Variants in SLC35F1 observed in about 807,000 individuals in gnomAD.
SLC35F1 encodes solute carrier family 35 member F1.
In SLC35F1, 14 loss-of-function variants were observed where a neutral mutation model predicts 48.7. The observed-to-expected ratio is 0.29, with a 90% CI of 0.19 to 0.45. The LOEUF (loss-of-function observed/expected upper bound fraction) is 0.45, where lower values mean the gene tolerates loss of function less well. Ranked by LOEUF, SLC35F1 falls within the 20% of genes least tolerant of loss-of-function variation. The pLI is 1.00. For synonymous variants in SLC35F1, 190 were observed against 202.2 expected (o/e 0.94, Z 0.51); for missense variants, 404 against 500.0 (o/e 0.81, Z 1.83).
chr6:118,007,419 G>A (rs942259086), intron 1 of SLC35F1, among the ~76,000 whole-genome samples: 1 of 152,122 alleles, frequency 6.6e-6, no homozygotes, highest in Non-Finnish European at 1.5e-5. Flanking sequence ...ATTGTGCTAG[G>A]CAATGGAGGG....
intron 1 of SLC35F1, among the ~76,000 whole-genome samples, chr6:118,002,402 G>A (rs906454249): frequency 6.6e-6 from 1 of 151,552 alleles, no homozygotes; most frequent in Non-Finnish European, 1.5e-5. Flanking sequence ...ACTGAACAAT[G>A]AGAACACATG....
intron 2 of SLC35F1, among the ~76,000 whole-genome samples, chr6:118,221,800 G>A (rs564750365): frequency 4.6e-5 from 7 of 152,202 alleles, no homozygotes; most frequent in African/African-American, 1.7e-4. Context: ...TTTGAATCCA[G>A]TCTCAGATGT....
chr6:117,938,164 A>G (rs1404319224), intron 1 of SLC35F1, among the ~76,000 whole-genome samples: 1 of 152,162 alleles, frequency 6.6e-6, no homozygotes, highest in Non-Finnish European at 1.5e-5. Flanking sequence ...CTCTGGGGTA[A>G]TATAGAGGAG....
At chr6:118,250,079 A>T (rs149003215) in intron 3 of SLC35F1, among the ~76,000 whole-genome samples, 76 of 152,316 alleles carry the variant, frequency 5.0e-4, no homozygotes, top group Non-Finnish European at 9.3e-4. Context: ...CATTCATTCA[A>T]CATCTACTAT....
In SLC35F1 at chr6:118,154,543, A is replaced by G. The variant is rs376082648; in HGVS notation, c.272A>G (p.Asn91Ser). Residue 91 changes from asparagine to serine, a missense_variant, in exon 2 of 8, where the codon AAC becomes AGC. Transcript: ENST00000360388. The stretch of plus-strand genomic sequence containing the variant: ...TATCTGTCAGAAGATTTCCACGCCA[A>G]CACACCAGTCTTCCAGAGTTTCCTC... ...SKYLSEDFHA[N>S]TPVFQSFLNY... The G allele has an allele frequency of 1.2e-6, 2 of 1,613,974 alleles. No homozygotes were observed. Among genetic ancestry groups the G allele is most frequent in the Non-Finnish European group, 1.7e-6 (2 of 1,179,974 alleles).
At chr6:118,092,969 T>C (rs1007022834) in intron 1 of SLC35F1, among the ~76,000 whole-genome samples, 5 of 152,304 alleles carry the variant, frequency 3.3e-5, no homozygotes, top group Non-Finnish European at 5.9e-5. Flanking sequence ...TTTGGGTTAA[T>C]GCCTGAATGT....
chr6:118,044,266 T>G (rs1772268792), intron 1 of SLC35F1, among the ~76,000 whole-genome samples: 1 of 152,210 alleles, frequency 6.6e-6, no homozygotes, highest in Non-Finnish European at 1.5e-5. Flanking sequence ...AAACCTCTTC[T>G]ATCACACTGG....
intron 1 of SLC35F1, among the ~76,000 whole-genome samples, chr6:118,097,866 A>G (rs550294876): frequency 1.7e-3 from 254 of 152,322 alleles, no homozygotes; most frequent in African/African-American, 5.9e-3. Flanking sequence ...CTAAGTGAGT[A>G]GGTGTGGTTT....
Position 117,907,550 on chromosome 6 carries a change from G to C in SLC35F1, c.-177G>C, listed in dbSNP as rs979551103. On this transcript the variant is annotated 5_prime_UTR_variant, in exon 1 of 8. Coordinates refer to ENST00000360388, the MANE Select transcript of SLC35F1 (RefSeq NM_001029858.4). ...TGGGACTGGAGAGGAGTGAGTGGCG[G>C]GCTGGGCGGCGGCGGCCGTAGCCGC... 42 of 371,772 alleles carry C rather than the reference G, an allele frequency of 1.1e-4. No individual in the cohort carries two copies. The highest frequency in any genetic ancestry group is 5.8e-4 in the Admixed American group (12 of 20,796). 23.0% of individuals were successfully genotyped at this position (371,772 alleles called of 1,614,324 possible).
intron 1 of SLC35F1, among the ~76,000 whole-genome samples, chr6:117,910,445 C>T (rs780280578): frequency 3.9e-5 from 6 of 152,228 alleles, no homozygotes; most frequent in Non-Finnish European, 8.8e-5. Flanking sequence ...TCCTCTTCCT[C>T]CTTCCTGAAT....
intron 1 of SLC35F1, among the ~76,000 whole-genome samples, chr6:118,021,902 C>T (rs991709148): frequency 3.9e-5 from 6 of 152,102 alleles, no homozygotes; most frequent in African/African-American, 1.4e-4. Flanking sequence ...GTCACTGGGG[C>T]CTCTGTCTTT....
intron 1 of SLC35F1, among the ~76,000 whole-genome samples, chr6:118,018,143 G>T (rs946560598): frequency 1.3e-5 from 2 of 152,128 alleles, no homozygotes; most frequent in African/African-American, 4.8e-5. Context: ...GAGGCTGAGG[G>T]AGGCAGATCA....
chr6:118,238,366 G>T (rs1582746150), intron 3 of SLC35F1, among the ~76,000 whole-genome samples: 1 of 151,880 alleles, frequency 6.6e-6, no homozygotes, highest in Middle Eastern at 3.4e-3. Flanking sequence ...GGGGCCAGAG[G>T]ATTGCTTGAG....
intron 1 of SLC35F1, among the ~76,000 whole-genome samples, chr6:117,927,193 A>G (rs1308383179): frequency 1.3e-5 from 2 of 152,208 alleles, no homozygotes; most frequent in Non-Finnish European, 2.9e-5. Context: ...ATTAGTCATT[A>G]TAATGATTAA....
chr6:117,909,786 C>T (rs544958605), intron 1 of SLC35F1, among the ~76,000 whole-genome samples: 1 of 152,036 alleles, frequency 6.6e-6, no homozygotes, highest in African/African-American at 2.4e-5. Context: ...TGAAGTCATG[C>T]TACGTTATGG....
At chr6:118,312,292 C>T (rs1776380914) in intron 7 of SLC35F1, among the ~76,000 whole-genome samples, 2 of 152,184 alleles carry the variant, frequency 1.3e-5, no homozygotes, top group Admixed American at 6.5e-5. Context: ...AGACCTATTT[C>T]ATTCACCGAA....
intron 2 of SLC35F1, among the ~76,000 whole-genome samples, chr6:118,203,695 A>G (rs1774898550): frequency 6.6e-6 from 1 of 152,204 alleles, no homozygotes; most frequent in South Asian, 2.1e-4. Context: ...GAGGAGAAAA[A>G]AACTGCAAAC....
chr6:118,078,513 C>A (rs559013315), intron 1 of SLC35F1, among the ~76,000 whole-genome samples: 1 of 152,142 alleles, frequency 6.6e-6, no homozygotes, highest in East Asian at 1.9e-4. Context: ...TGGTAGGAGA[C>A]AAAAGCTTGC....
chr6:117,968,124 A>G (rs1052065575), intron 1 of SLC35F1, among the ~76,000 whole-genome samples: 1 of 152,218 alleles, frequency 6.6e-6, no homozygotes, highest in Non-Finnish European at 1.5e-5. Flanking sequence ...TGCTTAAATT[A>G]CTGCAGAAAT....
Sources: gnomAD v4.1 joint callset for allele counts (sites outside exome capture counted in the v4.1 genomes callset) on GRCh38, gnomAD v4.1.1 for gene constraint, MANE v1.5 for transcripts, NCBI Gene and HGNC (gene_info 2026-07-23, HGNC 2026-07-21) for gene names.